Variants in LETM1 observed in about 807,000 individuals in gnomAD.
LETM1 encodes the protein leucine zipper and EF-hand containing transmembrane protein 1, also known as mitochondrial proton/calcium exchanger protein.
In LETM1, 50 loss-of-function variants were observed where a neutral mutation model predicts 74.5. The observed-to-expected ratio is 0.67, with a 90% CI of 0.53 to 0.85. LETM1 has a LOEUF of 0.85. LETM1 is among the 40% of genes least tolerant of loss of function. LETM1 has a pLI of 0.00. For synonymous variants in LETM1, 446 were observed against 407.1 expected (o/e 1.10, Z -1.15); for missense variants, 824 against 967.8 (o/e 0.85, Z 1.97).
At chr4:1,818,775 T>TC (rs1392181960) in intron 11 of LETM1, among the ~76,000 whole-genome samples, 2 of 151,850 alleles carry the variant, frequency 1.3e-5, no homozygotes, top group Admixed American at 1.3e-4. Context: ...TGAGACACCT[T>TC]CCCATGTTTA....
Position 1,814,222 on chromosome 4 carries a change from T to G in LETM1, c.*202A>C. The G allele has an allele frequency of 1.2e-6, 1 of 846,710 alleles. No homozygotes were observed. 52.4% of individuals were successfully genotyped at this position (846,710 alleles called of 1,614,324 possible). On this transcript the variant is annotated 3_prime_UTR_variant, in exon 14 of 14. Coordinates refer to ENST00000302787, the MANE Select transcript of LETM1 (RefSeq NM_012318.3). ...ACCACAGTGTGGATCCAGACACGAT[T>G]CTGTGGAGGGGTTCCGGGATTCCAG... is the stretch of plus-strand genomic sequence containing the variant.
In LETM1 at chr4:1,816,560, T is replaced by C. The variant is rs143069977; in HGVS notation, c.1931+167A>G. ...GCTCTCGGAGAGGCAGAGACTGACA[T>C]GCCAGAGGGTTCCTGGCTGGGACTG... On this transcript the variant is annotated intron_variant, in intron 12 of 13. Coordinates refer to ENST00000302787, the MANE Select transcript of LETM1 (RefSeq NM_012318.3). Among the ~76,000 whole-genome samples the C allele has an allele frequency of 4.7e-3, 711 of 152,212 alleles. 6 individuals are homozygous for C. Among genetic ancestry groups the C allele is most frequent in the Middle Eastern group, 0.027 (8 of 292 alleles).
chr4:1,855,888 A>AGGCGGC lies in LETM1; in HGVS notation c.57_62dup (p.Pro20_Pro21dup), dbSNP rs1401379338. ...GCTTACCCCGCGGGACGGTGTACCGAGGCGGCGGCGGGAGGCGGGCGGGCG... is the reference window on the plus strand; with the variant it reads ...GCTTACCCCGCGGGACGGTGTACCGAGGCGGCGGCGGCGGCGGGAGGCGGGCGGGCG... On this transcript the variant is annotated inframe_insertion, in exon 1 of 14. Transcript: ENST00000302787. 8.1e-7 allele frequency: 1 copy of AGGCGGC among 1,238,388 alleles called. No individual in the cohort carries two copies. Among genetic ancestry groups the AGGCGGC allele is most frequent in the Admixed American group, 4.2e-5 (1 of 23,626 alleles). The allele number at this position is 1,238,388 out of a possible 1,614,324, so 76.7% of individuals were successfully genotyped here.
chr4:1,846,293 G>A (rs1712881621), intron 2 of LETM1, among the ~76,000 whole-genome samples: 1 of 151,700 alleles, frequency 6.6e-6, no homozygotes, highest in South Asian at 2.1e-4. Context: ...TTTATGTTTT[G>A]TTGTTAGCCC....
At chr4:1,828,360 G>T (rs1577316132) in intron 6 of LETM1, among the ~76,000 whole-genome samples, 1 of 123,046 alleles carries the variant, frequency 8.1e-6, no homozygotes, top group Non-Finnish European at 1.7e-5. Flanking sequence ...GGACGGGGCG[G>T]CTGGCCGGGC....
At chr4:1,854,198 T>C (rs1258080043) in intron 1 of LETM1, among the ~76,000 whole-genome samples, 2 of 152,158 alleles carry the variant, frequency 1.3e-5, no homozygotes, top group African/African-American at 2.4e-5. Context: ...ATTACAAGAA[T>C]TGGCCAGGCG....
chr4:1,852,555 C>T (rs1713103585), intron 1 of LETM1, among the ~76,000 whole-genome samples: 1 of 152,342 alleles, frequency 6.6e-6, no homozygotes, highest in East Asian at 1.9e-4. Context: ...ACAGCATGGC[C>T]AGCACCTCAA....
chr4:1,817,359 C>G (rs1711606215), intron 11 of LETM1, among the ~76,000 whole-genome samples: 1 of 151,746 alleles, frequency 6.6e-6, no homozygotes, highest in Non-Finnish European at 1.5e-5. Flanking sequence ...GAGTTCGAAA[C>G]CAGACCAGGC....
chr4:1,823,730 T>C lies in LETM1; in HGVS notation c.1246A>G (p.Ile416Val). The change falls in exon 8 of 14, where the codon ATC becomes GTC. Residue 416 changes from isoleucine (I) to valine (V), a missense_variant. Physicochemically the swap from Ile to Val is conservative, Grantham distance 29. Transcript: ENST00000302787. ...GGGAGGTACATGGCCCGGGACAGGA[T>C]GAGCAGCGATGTGGGGATCTCCTGA... ...LHQEIPTSLL[I>V]LSRAMYLPDT... 6.2e-7 allele frequency: 1 copy of C among 1,613,686 alleles called. No individual in the cohort carries two copies. Among genetic ancestry groups the C allele is most frequent in the Admixed American group, 1.7e-5 (1 of 59,978 alleles).
chr4:1,818,607 C>G (rs574855160), intron 11 of LETM1, among the ~76,000 whole-genome samples: 1 of 147,900 alleles, frequency 6.8e-6, no homozygotes, highest in Non-Finnish European at 1.5e-5. Context: ...AGCTAGACTT[C>G]GTCTCAAAAA....
Position 1,853,576 on chromosome 4 carries a change from G to A in LETM1, c.82+2293C>T, listed in dbSNP as rs140389328. 3.2e-3 allele frequency among the ~76,000 whole-genome samples: 492 copies of A among 152,344 alleles called. 2 individuals are homozygous for A. The highest frequency in any genetic ancestry group is 0.011 in the African/African-American group (461 of 41,568). On this transcript the variant is annotated intron_variant, in intron 1 of 13. Transcript: ENST00000302787. ...GGGCAGTACTCCTCAAAGCTGTCAA[G>A]GTCACTGCAGACAAGGAAAGCCTGA...
chr4:1,849,359 G>A, intron 1 of LETM1, 150 bp from the exon 2 acceptor site: 1 of 623,584 alleles, frequency 1.6e-6, no homozygotes, highest in South Asian at 1.8e-5. Context: ...CCACCTCCTG[G>A]GTTTAATTGA....
At chr4:1,837,699 G>GTTT (rs1156556783) in intron 3 of LETM1, among the ~76,000 whole-genome samples, 63 of 125,752 alleles carry the variant, frequency 5.0e-4, no homozygotes, top group Admixed American at 5.7e-4. Flanking sequence ...AAATTTACAA[G>GTTT]TTTTTTTTTT....
chr4:1,819,520 C>A, intron 10 of LETM1, 48 bp from the exon 11 acceptor site: 1 of 1,578,484 alleles, frequency 6.3e-7, no homozygotes, highest in Non-Finnish European at 8.6e-7. Flanking sequence ...AGGGAAAGAA[C>A]TGGCCTGTTC....
At chr4:1,818,758 C>T (rs1295216334) in intron 11 of LETM1, among the ~76,000 whole-genome samples, 2 of 152,096 alleles carry the variant, frequency 1.3e-5, no homozygotes, top group Non-Finnish European at 2.9e-5. Flanking sequence ...AGTGACCAAA[C>T]TCTTCATGAG....
At chr4:1,816,701 T>G (rs1365431209) in intron 12 of LETM1, 26 bp downstream of exon 12, 3 of 1,604,124 alleles carry the variant, frequency 1.9e-6, no homozygotes, top group Non-Finnish European at 2.6e-6. Context: ...CTCCGATCCC[T>G]CTCCCGCGCC....
chr4:1,831,583 C>A (rs1483115183), intron 6 of LETM1, among the ~76,000 whole-genome samples: 1 of 152,258 alleles, frequency 6.6e-6, no homozygotes, highest in African/African-American at 2.4e-5. Flanking sequence ...AGCTCAAGCC[C>A]CCCACCTGGT....
In LETM1 at chr4:1,814,432, T is replaced by G. The variant is rs1722550846; in HGVS notation, c.2212A>C (p.Lys738Gln). 1 of 1,614,250 alleles carries G rather than the reference T, an allele frequency of 6.2e-7. No individual in the cohort carries two copies. Among genetic ancestry groups the G allele is most frequent in the Non-Finnish European group, 8.5e-7 (1 of 1,180,026 alleles). Reference sequence around the variant, plus strand: ...TGCCCAGGCCAGTGGTTCTAGCTCTTCACCTCTGCGACCTCCTTCTCTGCC... The same window carrying G: ...TGCCCAGGCCAGTGGTTCTAGCTCTGCACCTCTGCGACCTCCTTCTCTGCC... ...EKAEKEVAEVKS is the reference protein window; with the variant it reads ...EKAEKEVAEVQS Residue 738 changes from lysine (K) to glutamine (Q), a missense_variant, in exon 14 of 14, where the codon AAG becomes CAG. Coordinates refer to ENST00000302787, the MANE Select transcript of LETM1 (RefSeq NM_012318.3).
intron 7 of LETM1, among the ~76,000 whole-genome samples, chr4:1,824,306 G>A (rs1217138322): frequency 6.6e-6 from 1 of 152,168 alleles, no homozygotes; most frequent in African/African-American, 2.4e-5. Flanking sequence ...GTGTGACAGA[G>A]CAAGACTCTG....
Sources: allele counts gnomAD v4.1 joint callset (sites outside exome capture counted in the v4.1 genomes callset), GRCh38; gene constraint gnomAD v4.1.1; transcripts MANE v1.5; gene names NCBI Gene and HGNC (gene_info 2026-07-23, HGNC 2026-07-21).